CCDC146: variants seen among roughly 807,000 people sequenced by gnomAD.
CCDC146 encodes coiled-coil domain containing 146.
CCDC146 carries 92 observed loss-of-function variants against 119.3 expected under a neutral mutation model. That is an observed-to-expected ratio of 0.77 (90% CI 0.65 to 0.92). The LOEUF (loss-of-function observed/expected upper bound fraction) is 0.92. Ranked by LOEUF, CCDC146 falls within the 40% of genes least tolerant of loss-of-function variation. CCDC146 has a pLI of 0.00. For synonymous variants in CCDC146, 372 were observed against 371.8 expected (o/e 1.00, Z -0.01); for missense variants, 1,000 against 1,103.0 (o/e 0.91, Z 1.32).
intron 1 of CCDC146, among the ~76,000 whole-genome samples, chr7:77,130,632 T>C (rs1790769583): frequency 7.0e-6 from 1 of 143,730 alleles, no homozygotes; most frequent in Admixed American, 7.0e-5. Context: ...GGAGTTTCGC[T>C]CTGTCGCCCA....
chr7:77,212,620 C>CAAA (rs11449217), intron 2 of CCDC146, among the ~76,000 whole-genome samples: 30 of 80,840 alleles, frequency 3.7e-4, no homozygotes, highest in Non-Finnish European at 5.4e-4. Flanking sequence ...GACTCCGTCT[C>CAAA]AAAAAAAAAA....
At chr7:77,175,760 A>G (rs552405739) in intron 2 of CCDC146, among the ~76,000 whole-genome samples, 103 of 151,420 alleles carry the variant, frequency 6.8e-4, no homozygotes, top group Non-Finnish European at 1.2e-3. Context: ...CTAGATGTTT[A>G]TAATTATTAT....
At chr7:77,244,650 C>T (rs1413478370) in intron 4 of CCDC146, among the ~76,000 whole-genome samples, 1 of 152,206 alleles carries the variant, frequency 6.6e-6, no homozygotes, top group Non-Finnish European at 1.5e-5. Flanking sequence ...TAGTAGGCTA[C>T]ACCACATAGG....
chr7:77,284,162 AG>A (rs1207822919), intron 15 of CCDC146, among the ~76,000 whole-genome samples: 2 of 152,198 alleles, frequency 1.3e-5, no homozygotes, highest in Non-Finnish European at 2.9e-5. Flanking sequence ...CATTCAAGCG[AG>A]GCCTCTGTGG....
rs746371659 is a variant in CCDC146, at chr7:77,226,819, A to G, written c.157-10128A>G. Among the ~76,000 whole-genome samples, 3 of 152,222 alleles carry G rather than the reference A, an allele frequency of 2.0e-5. No homozygotes were observed. In the South Asian group the frequency reaches 6.2e-4, roughly 32 times the overall value. On this transcript the variant is annotated intron_variant, in intron 2 of 18. Coordinates refer to ENST00000285871, the MANE Select transcript of CCDC146 (RefSeq NM_020879.3). ...CAATGTGAAAATGCAACCATTTTCC[A>G]TGTATGATATTGTTTATGAGTGAAG...
intron 2 of CCDC146, among the ~76,000 whole-genome samples, chr7:77,226,261 A>G (rs773250513): frequency 5.9e-5 from 9 of 152,232 alleles, no homozygotes; most frequent in Non-Finnish European, 1.3e-4. Context: ...TTATGCTTTC[A>G]CATTTATATT....
intron 2 of CCDC146, among the ~76,000 whole-genome samples, chr7:77,217,851 C>T (rs1562836414): frequency 1.3e-5 from 2 of 151,924 alleles, no homozygotes; most frequent in Non-Finnish European, 2.9e-5. Flanking sequence ...TGTATCTAAA[C>T]ATAGAAAAGG....
intron 1 of CCDC146, among the ~76,000 whole-genome samples, chr7:77,132,890 G>C (rs539933582): frequency 6.6e-6 from 1 of 151,974 alleles, no homozygotes. Flanking sequence ...GTGTTTGGTA[G>C]GCCGGGCACG....
intron 14 of CCDC146, among the ~76,000 whole-genome samples, chr7:77,282,007 C>G (rs915064997): frequency 6.6e-6 from 1 of 152,206 alleles, no homozygotes; most frequent in Non-Finnish European, 1.5e-5. Context: ...CCCATATTCT[C>G]CATTCAAGGA....
chr7:77,260,841 G>A lies in CCDC146; in HGVS notation c.986+605G>A, dbSNP rs1030418309. On this transcript the variant is annotated intron_variant, in intron 8 of 18. Transcript: ENST00000285871. ...AGACAGGGTATCACCATGTTGGCCA[G>A]GTGGTCTCGATCTCTTGACCTCGTG... Among the ~76,000 whole-genome samples the A allele has an allele frequency of 7.9e-5, 12 of 152,206 alleles. No individual in the cohort carries two copies. In the East Asian group the frequency reaches 2.3e-3, roughly 29 times the overall value.
chr7:77,128,032 T>G (rs1247312237), intron 1 of CCDC146, among the ~76,000 whole-genome samples: 1 of 152,156 alleles, frequency 6.6e-6, no homozygotes, highest in Non-Finnish European at 1.5e-5. Context: ...TATTTTAAAC[T>G]GCTCCGTTTA....
chr7:77,287,456 C>T lies in CCDC146; in HGVS notation c.2294C>T (p.Ala765Val). ...QKLDKLELQL[A>V]KKEEKLLEKD... ...CAAACATAGCTGGAACTACAACTGGCCAAGAAGGAGGAGAAGCTGCTGGAG... is the reference window on the plus strand; with the variant it reads ...CAAACATAGCTGGAACTACAACTGGTCAAGAAGGAGGAGAAGCTGCTGGAG... The change falls in exon 17 of 19, where the codon GCC becomes GTC. Residue 765 changes from alanine to valine, a missense_variant. Around this residue, in one of 2 missense-constraint regions of CCDC146, gnomAD observed 985 missense variants for 1,045.3 expected, o/e 0.94. Transcript: ENST00000285871. 1.9e-6 allele frequency: 3 copies of T among 1,613,942 alleles called. No individual in the cohort carries two copies. Among genetic ancestry groups the T allele is most frequent in the Non-Finnish European group, 2.5e-6 (3 of 1,179,966 alleles).
intron 2 of CCDC146, among the ~76,000 whole-genome samples, chr7:77,178,478 C>T (rs1791533660): frequency 6.6e-6 from 1 of 152,176 alleles, no homozygotes. Flanking sequence ...GTGGCCCTAC[C>T]CTCAGTGGCC....
intron 4 of CCDC146, among the ~76,000 whole-genome samples, chr7:77,254,022 G>T (rs897998268): frequency 1.9e-4 from 29 of 152,178 alleles, no homozygotes; most frequent in Admixed American, 1.9e-3. Context: ...GTCCAGGTGT[G>T]ATGGGAATTT....
At chr7:77,242,078 T>C (rs1364106975) in intron 4 of CCDC146, among the ~76,000 whole-genome samples, 178 bp downstream of exon 4, 1 of 152,230 alleles carries the variant, frequency 6.6e-6, no homozygotes, top group Non-Finnish European at 1.5e-5. Context: ...AAAGTTACAC[T>C]TCTCGAATAA....
Position 77,241,337 on chromosome 7 carries a change from A to G in CCDC146, c.240-354A>G, listed in dbSNP as rs1237206669. On this transcript the variant is annotated intron_variant, in intron 3 of 18. Coordinates refer to ENST00000285871, the MANE Select transcript of CCDC146 (RefSeq NM_020879.3). ...CTCCCAAAGTGCTGGGATTACAGGC[A>G]TGAGCCATCGCGCCCGGCCACGTTG... is the stretch of plus-strand genomic sequence containing the variant. Among the ~76,000 whole-genome samples, 4 of 95,250 alleles carry G rather than the reference A, an allele frequency of 4.2e-5. 1 individual carries two copies. The highest frequency in any genetic ancestry group is 5.9e-5 in the Non-Finnish European group (2 of 33,820). 62.5% of individuals were successfully genotyped at this position (95,250 alleles called of 152,430 possible). A position where few individuals can be genotyped will look rare whatever the true frequency, so the allele number is the denominator to read the frequency against.
At chr7:77,154,259 C>G (rs1323817611) in intron 1 of CCDC146, among the ~76,000 whole-genome samples, 1 of 151,892 alleles carries the variant, frequency 6.6e-6, no homozygotes, top group African/African-American at 2.4e-5. Context: ...TGTCAAAACT[C>G]ACAAAACTGA....
chr7:77,208,241 A>G (rs939944040), intron 2 of CCDC146, among the ~76,000 whole-genome samples: 1 of 152,252 alleles, frequency 6.6e-6, no homozygotes, highest in African/African-American at 2.4e-5. Context: ...AAGGTGGCAC[A>G]GTATCTACAG....
chr7:77,244,167 T>TAGA (rs948918324), intron 4 of CCDC146, among the ~76,000 whole-genome samples: 1 of 152,172 alleles, frequency 6.6e-6, no homozygotes, highest in Non-Finnish European at 1.5e-5. Flanking sequence ...AAACCTTACA[T>TAGA]AATAAGAATA....
Sources: gnomAD v4.1 joint callset for allele counts (sites outside exome capture counted in the v4.1 genomes callset) on GRCh38, gnomAD v4.1.1 for gene constraint, gnomAD v4.1.1 regional missense constraint, MANE v1.5 for transcripts, NCBI Gene and HGNC (gene_info 2026-07-23, HGNC 2026-07-21) for gene names.